The following CD81 variants were observed in gnomAD, a reference collection of about 807,000 sequenced individuals.
CD81 encodes CD81 molecule.
A neutral mutation model predicts 30.1 loss-of-function variants in CD81; 10 were observed. The ratio of observed to expected loss-of-function variants is 0.33; its 90% CI spans 0.21 to 0.56. The LOEUF (loss-of-function observed/expected upper bound fraction) is 0.56. Among genes scored for constraint, CD81 ranks in the 20% least tolerant of loss-of-function variants. CD81 has a pLI of 0.89. For missense variants in CD81, 263 were observed against 308.7 expected (o/e 0.85, Z 1.11); for synonymous variants, 147 against 126.4 (o/e 1.16, Z -1.10).
chr11:2,390,514 A>C lies in CD81; in HGVS notation c.169A>C (p.Thr57Pro). ...LELGDKPAPN[T>P]FYVGIYILIA... is the part of the protein sequence containing the mutation. ...GCTGGGAGACAAGCCCGCGCCCAACACCTTCTATGTAGGTGAGTGCACATG... is the reference window on the plus strand; with the variant it reads ...GCTGGGAGACAAGCCCGCGCCCAACCCCTTCTATGTAGGTGAGTGCACATG... The change falls in exon 2 of 8, where the codon ACC becomes CCC. Residue 57 changes from threonine (T) to proline (P), a missense_variant. Thr to Pro is a conservative substitution (Grantham distance 38). This residue lies in a region of CD81 where 84 missense variants were observed against 98.2 expected (regional missense o/e 0.86). Transcript: ENST00000263645. 1 of 1,611,762 alleles carries C rather than the reference A, an allele frequency of 6.2e-7. No homozygotes were observed. Among genetic ancestry groups the C allele is most frequent in the Non-Finnish European group, 8.5e-7 (1 of 1,178,900 alleles).
chr11:2,395,886 C>T lies in CD81; in HGVS notation c.477C>T (p.Ser159=). ...TFHETLDCCG[S]STLTALTTSV... ...CTCTGCAGCTTGACTGCTGTGGCTC[C>T]AGCACACTGACTGCTTTGACCACCT... The change falls in exon 6 of 8, where the codon TCC becomes TCT. Residue 159 remains serine, a synonymous_variant. Coordinates refer to ENST00000263645, the MANE Select transcript of CD81 (RefSeq NM_004356.4). The T allele has an allele frequency of 6.2e-7, 1 of 1,611,804 alleles. No individual in the cohort carries two copies. Among genetic ancestry groups the T allele is most frequent in the Non-Finnish European group, 8.5e-7 (1 of 1,179,234 alleles).
chr11:2,394,638 G>A (rs1849964142), intron 3 of CD81, among the ~76,000 whole-genome samples: 1 of 152,156 alleles, frequency 6.6e-6, no homozygotes, highest in South Asian at 2.1e-4. Context: ...AGATCAGTCA[G>A]GGGTCATGCT....
chr11:2,395,579 C>T lies in CD81; in HGVS notation c.459+59C>T, dbSNP rs531881077. ...GCCCCGGGAACCCGGCGGGGTGTGT[C>T]TCGTCCTGGATGAATCCTGCCTACG... On this transcript the variant is annotated intron_variant, in intron 5 of 7. Transcript: ENST00000263645. The T allele has an allele frequency of 7.9e-5, 107 of 1,346,782 alleles. 1 individual carries two copies. In the Admixed American group the frequency reaches 1.8e-3, roughly 23 times the overall value. 83.4% of individuals were successfully genotyped at this position (1,346,782 alleles called of 1,614,324 possible).
At chr11:2,385,187 G>A (rs1304140347) in intron 1 of CD81, among the ~76,000 whole-genome samples, 1 of 152,136 alleles carries the variant, frequency 6.6e-6, no homozygotes, top group African/African-American at 2.4e-5. Context: ...TTAGGATGTG[G>A]GGGCTTTTCA....
At chr11:2,382,630 A>C (rs766481426) in intron 1 of CD81, 1 of 152,278 alleles carries the variant, frequency 6.6e-6, no homozygotes, top group Non-Finnish European at 1.5e-5. Context: ...CTCCAGGATC[A>C]GGGCAGGTGG....
rs1429575889 is a variant in CD81, at chr11:2,390,149, T to G, written c.67-263T>G. 4 of 588,472 alleles carry G rather than the reference T, an allele frequency of 6.8e-6. No homozygotes were observed. In the African/African-American group the frequency reaches 7.4e-5, roughly 11 times the overall value. 36.5% of individuals were successfully genotyped at this position (588,472 alleles called of 1,614,324 possible). On this transcript the variant is annotated intron_variant, in intron 1 of 7. Coordinates refer to ENST00000263645, the MANE Select transcript of CD81 (RefSeq NM_004356.4). ...CAGATTTAACCGGCGTCCCGTGTCT[T>G]CCTGGCAGTCCTGCCCTGGAGTCAC... is the stretch of plus-strand genomic sequence containing the variant.
Position 2,396,986 on chromosome 11 carries a change from C to T in CD81, c.*120C>T. 2 of 960,014 alleles carry T rather than the reference C, an allele frequency of 2.1e-6. No homozygotes were observed. The highest frequency in any genetic ancestry group is 4.1e-5 in the Admixed American group (2 of 49,366). 59.5% of individuals were successfully genotyped at this position (960,014 alleles called of 1,614,324 possible). A position where few individuals can be genotyped will look rare whatever the true frequency, so the allele number is the denominator to read the frequency against. On this transcript the variant is annotated 3_prime_UTR_variant, in exon 8 of 8. Coordinates refer to ENST00000263645, the MANE Select transcript of CD81 (RefSeq NM_004356.4). ...TCCGGTATTACTCTGCTACACGTAG[C>T]CTTTTTACTTTTGGGGTTTTGTTTT...
chr11:2,389,528 C>T (rs373863815), intron 1 of CD81, among the ~76,000 whole-genome samples: 1 of 152,108 alleles, frequency 6.6e-6, no homozygotes, highest in Non-Finnish European at 1.5e-5. Context: ...CAGACCCCAC[C>T]TGGCTAGAGT....
intron 6 of CD81, 30 bp downstream of exon 6, chr11:2,396,000 C>G (rs777340786): frequency 1.4e-6 from 2 of 1,459,590 alleles, no homozygotes; most frequent in Admixed American, 1.7e-5. Flanking sequence ...CCGCGCCTGA[C>G]CCCCCGCATG....
chr11:2,376,575 G>A (rs901561988), upstream of CD81, among the ~76,000 whole-genome samples: 34 of 152,290 alleles, frequency 2.2e-4, no homozygotes, highest in African/African-American at 6.3e-4. Context: ...TGGCATCCCT[G>A]GGGCACGACA....
At chr11:2,392,397 T>A (rs1414107473) in intron 2 of CD81, 1 of 152,374 alleles carries the variant, frequency 6.6e-6, no homozygotes, top group African/African-American at 2.4e-5. Flanking sequence ...GCTGCCCCCA[T>A]GATGCCAGGG....
Position 2,377,614 on chromosome 11 carries a change from G to T in CD81, c.65G>T (p.Trp22Leu). Reference protein sequence around the residue: ...YLLFVFNFVFWLAGGVILGVA... With the variant: ...YLLFVFNFVFLLAGGVILGVA... The stretch of plus-strand genomic sequence containing the variant: ...CTCTTCGTCTTCAATTTCGTCTTCT[G>T]GGTAAGGGCTGCGCCGGGGGCCGGG... Residue 22 changes from tryptophan (W) to leucine (L), a missense_variant and splice_region_variant, in exon 1 of 8, where the codon TGG (tryptophan) becomes TTG (leucine). Trp to Leu is a moderately conservative substitution (Grantham distance 61). This residue lies in a region of CD81 where 84 missense variants were observed against 98.2 expected (regional missense o/e 0.86). Coordinates refer to ENST00000263645, the MANE Select transcript of CD81 (RefSeq NM_004356.4). The surrounding 1 kb of genome is among the most constrained non-coding windows in gnomAD (Gnocchi z 7.7). 6.5e-7 allele frequency: 1 copy of T among 1,544,212 alleles called. No homozygotes were observed. Among genetic ancestry groups the T allele is most frequent in the Non-Finnish European group, 8.8e-7 (1 of 1,141,860 alleles).
chr11:2,396,233 C>T (rs1589854553), intron 6 of CD81: 8 of 577,432 alleles, frequency 1.4e-5, no homozygotes, highest in East Asian at 1.2e-4. Flanking sequence ...CCCAGCTCCA[C>T]GTGTGCACTC....
Position 2,377,833 on chromosome 11 carries a change from G to GC in CD81, c.66+219dup. On this transcript the variant is annotated intron_variant, in intron 1 of 7. Coordinates refer to ENST00000263645, the MANE Select transcript of CD81 (RefSeq NM_004356.4). This position sits in a 1 kb window ranked among gnomAD's most constrained non-coding sequence, Gnocchi z 7.7. Reference sequence around the variant, plus strand: ...GCGAGCCGAGTTTCGGGGCCTCTGTGCTCGGGGGCCCACCTCTGCGGCCGG... The same window carrying GC: ...GCGAGCCGAGTTTCGGGGCCTCTGTGCCTCGGGGGCCCACCTCTGCGGCCGG... 1 of 263,210 alleles carries GC rather than the reference G, an allele frequency of 3.8e-6. No homozygotes were observed. The allele number at this position is 263,210 out of a possible 1,614,324, so 16.3% of individuals were successfully genotyped here.
At chr11:2,394,229 AG>A in intron 3 of CD81, 37 bp downstream of exon 3, 1 of 1,442,162 alleles carries the variant, frequency 6.9e-7, no homozygotes. Flanking sequence ...TGGGCCGGGG[AG>A]GGGCTGGGGG....
chr11:2,396,135 T>C, intron 6 of CD81, 165 bp downstream of exon 6: 1 of 668,016 alleles, frequency 1.5e-6, no homozygotes, highest in Non-Finnish European at 2.7e-6. Flanking sequence ...TGGGACCGCA[T>C]CTGGCCCACG....
chr11:2,379,105 A>T (rs1849654649), intron 1 of CD81: 1 of 453,346 alleles, frequency 2.2e-6, no homozygotes, highest in Non-Finnish European at 4.4e-6. Flanking sequence ...CTGGGACCTC[A>T]GCCGTTGCTT....
intron 1 of CD81, among the ~76,000 whole-genome samples, chr11:2,385,117 G>T (rs1849768881): frequency 6.6e-6 from 1 of 152,196 alleles, no homozygotes; most frequent in African/African-American, 2.4e-5. Context: ...CAAGATGGCA[G>T]CCTGGGGTCT....
Position 2,377,671 on chromosome 11 carries a change from G to A in CD81, c.66+56G>A, listed in dbSNP as rs1849622721. ...GGGGGCAGGCACACACTCCACGTTG[G>A]GCAGGTCCCGCGGCAGCGTGCTAGG... On this transcript the variant is annotated intron_variant, in intron 1 of 7. Transcript: ENST00000263645. This position sits in a 1 kb window ranked among gnomAD's most constrained non-coding sequence, Gnocchi z 7.7. 8.2e-7 allele frequency: 1 copy of A among 1,225,440 alleles called. No homozygotes were observed. Among genetic ancestry groups the A allele is most frequent in the Non-Finnish European group, 1.1e-6 (1 of 886,892 alleles). The allele number at this position is 1,225,440 out of a possible 1,614,324, so 75.9% of individuals were successfully genotyped here. A position where few individuals can be genotyped will look rare whatever the true frequency, so the allele number is the denominator to read the frequency against.
Sources: allele counts gnomAD v4.1 joint callset (sites outside exome capture counted in the v4.1 genomes callset), GRCh38; gene constraint gnomAD v4.1.1; regional missense constraint gnomAD v4.1.1; non-coding constraint Gnocchi (gnomAD v3.1); transcripts MANE v1.5; gene names NCBI Gene and HGNC (gene_info 2026-07-23, HGNC 2026-07-21).